The following MANBA variants were observed in gnomAD, a reference collection of about 807,000 sequenced individuals.
MANBA encodes beta-mannosidase.
A neutral mutation model predicts 111.1 loss-of-function variants in MANBA; 83 were observed. That is an observed-to-expected ratio of 0.75 (90% CI 0.63 to 0.90). The LOEUF is 0.90. Among genes scored for constraint, MANBA ranks in the 40% least tolerant of loss-of-function variants. The pLI, the probability that MANBA is intolerant of heterozygous loss-of-function variation, is 0.00. For missense variants in MANBA, 1,036 were observed against 1,069.0 expected, an observed-to-expected ratio of 0.97 and a Z score of 0.43; for synonymous variants, 370 against 378.7, an observed-to-expected ratio of 0.98 and a Z score of 0.27.
At chr4:102,717,652 C>T (rs936653603) in intron 4 of MANBA, among the ~76,000 whole-genome samples, 1 of 152,090 alleles carries the variant, frequency 6.6e-6, no homozygotes, top group Non-Finnish European at 1.5e-5. Context: ...CCTTGGCCTG[C>T]CAAAGTGCTG....
chr4:102,655,713 A>C (rs1347752590), intron 12 of MANBA, among the ~76,000 whole-genome samples: 1 of 152,234 alleles, frequency 6.6e-6, no homozygotes, highest in Non-Finnish European at 1.5e-5. Flanking sequence ...GACAACACAG[A>C]AATAAACCTT....
At position 102,672,854 on chromosome 4, in the gene MANBA, A is replaced by T. The variant is rs551877657; in HGVS notation, c.1112+1065T>A. 5.3e-5 allele frequency among the ~76,000 whole-genome samples: 8 copies of T among 151,682 alleles called. No homozygotes were observed. In the South Asian group the frequency reaches 1.5e-3, roughly 28 times the overall value. On this transcript the variant is annotated intron_variant, in intron 8 of 16. Coordinates refer to ENST00000647097, the MANE Select transcript of MANBA (RefSeq NM_005908.4). Reference sequence around the variant, plus strand: ...TTCCAAAACTATCCCCTCATCCCCCACCCCCAATCTGTAGAAAAACTGTCT... The same window carrying T: ...TTCCAAAACTATCCCCTCATCCCCCTCCCCCAATCTGTAGAAAAACTGTCT...
At chr4:102,744,449 A>G (rs1197171641) in intron 1 of MANBA, among the ~76,000 whole-genome samples, 1 of 152,232 alleles carries the variant, frequency 6.6e-6, no homozygotes, top group African/African-American at 2.4e-5. Flanking sequence ...CAAGATTATG[A>G]CATAAAACCA....
intron 8 of MANBA, among the ~76,000 whole-genome samples, chr4:102,673,352 C>T (rs187283937): frequency 3.3e-5 from 5 of 151,886 alleles, no homozygotes; most frequent in Admixed American, 2.6e-4. Context: ...ACTAAAAATA[C>T]AAAAATTAGC....
intron 1 of MANBA, among the ~76,000 whole-genome samples, chr4:102,731,503 C>T (rs1304514952): frequency 6.6e-6 from 1 of 152,176 alleles, no homozygotes; most frequent in Non-Finnish European, 1.5e-5. Context: ...AACTTATTAA[C>T]ATCAGGTTTC....
At chr4:102,708,344 A>G (rs183891310) in intron 5 of MANBA, among the ~76,000 whole-genome samples, 6 of 152,278 alleles carry the variant, frequency 3.9e-5, no homozygotes, top group African/African-American at 1.4e-4. Context: ...ATCAATAACA[A>G]GAGGAACTTT....
Position 102,674,047 on chromosome 4 carries a change from A to G in MANBA, c.984T>C (p.Leu328=), listed in dbSNP as rs1291418092. 1 of 1,600,864 alleles carries G rather than the reference A, an allele frequency of 6.2e-7. No individual in the cohort carries two copies. The highest frequency in any genetic ancestry group is 8.6e-7 in the Non-Finnish European group (1 of 1,168,100). Residue 328 remains leucine, a synonymous_variant, in exon 8 of 17, where the codon CTT becomes CTC. Coordinates refer to ENST00000647097, the MANE Select transcript of MANBA (RefSeq NM_005908.4). ...SAKVYFRTVE[L]IEEPIKGSPG... Reference sequence around the variant, plus strand: ...GAGACCCTTTTATAGGCTCTTCTATAAGTTCCACTGTCCTAAAATAAACCT... The same window carrying G: ...GAGACCCTTTTATAGGCTCTTCTATGAGTTCCACTGTCCTAAAATAAACCT...
intron 15 of MANBA, 75 bp from the exon 16 acceptor site, chr4:102,635,120 T>C (rs545526409): frequency 2.0e-6 from 3 of 1,531,974 alleles, no homozygotes; most frequent in South Asian, 1.1e-5. Context: ...GTAGTAATAA[T>C]TGCTGAAAGT....
At chr4:102,703,535 A>G (rs1376419222) in intron 5 of MANBA, among the ~76,000 whole-genome samples, 1 of 152,216 alleles carries the variant, frequency 6.6e-6, no homozygotes, top group Admixed American at 6.5e-5. Context: ...CTCTGGCTCC[A>G]AGAGTCTGAA....
chr4:102,745,280 T>C (rs1723546842), intron 1 of MANBA, among the ~76,000 whole-genome samples: 2 of 152,138 alleles, frequency 1.3e-5, no homozygotes, highest in African/African-American at 4.8e-5. Flanking sequence ...ACAGCATAAA[T>C]AGTCACTAGC....
chr4:102,654,410 T>A (rs980619838), intron 12 of MANBA, among the ~76,000 whole-genome samples: 2 of 152,206 alleles, frequency 1.3e-5, no homozygotes, highest in African/African-American at 4.8e-5. Context: ...TTTTTAATTT[T>A]AAAAAACCAA....
chr4:102,752,528 CAA>C (rs1161624227), intron 1 of MANBA: 2 of 710,276 alleles, frequency 2.8e-6, no homozygotes, highest in African/African-American at 1.7e-5. Flanking sequence ...CTCATGAAGA[CAA>C]AGTTCTGAGT....
chr4:102,752,593 A>G (rs1381775459), intron 1 of MANBA: 1 of 630,996 alleles, frequency 1.6e-6, no homozygotes, highest in Admixed American at 1.8e-5. Context: ...CAGACAATAA[A>G]TTGTATTCCT....
At chr4:102,676,805 C>T (rs1435189159) in intron 7 of MANBA, among the ~76,000 whole-genome samples, 10 of 152,140 alleles carry the variant, frequency 6.6e-5, no homozygotes, top group Non-Finnish European at 5.9e-5. Context: ...TTTGCACTGA[C>T]GTTACAAAAG....
intron 11 of MANBA, among the ~76,000 whole-genome samples, chr4:102,664,240 T>C (rs2110216048): frequency 6.6e-6 from 1 of 152,316 alleles, no homozygotes; most frequent in South Asian, 2.1e-4. Flanking sequence ...CATCTGCTGC[T>C]GCACTACAAT....
chr4:102,691,552 TGC>T, intron 5 of MANBA, among the ~76,000 whole-genome samples: 1 of 151,496 alleles, frequency 6.6e-6, no homozygotes, highest in Non-Finnish European at 1.5e-5. Flanking sequence ...CTCACTCTGT[TGC>T]CCCGGGAGTC....
At position 102,715,468 on chromosome 4, in the gene MANBA, A is replaced by G. The variant is rs940097921; in HGVS notation, c.550-907T>C. ...GTTTTGTTTATATTATTTTTTAGAA[A>G]TCAGAAAACCTATAGTCCACATATT... is the stretch of plus-strand genomic sequence containing the variant. On this transcript the variant is annotated intron_variant, in intron 4 of 16. Coordinates refer to ENST00000647097, the MANE Select transcript of MANBA (RefSeq NM_005908.4). 2.6e-5 allele frequency among the ~76,000 whole-genome samples: 4 copies of G among 152,334 alleles called. No individual in the cohort carries two copies. In the East Asian group the frequency reaches 7.7e-4, roughly 29 times the overall value.
At chr4:102,738,843 A>G (rs1723306684) in intron 1 of MANBA, among the ~76,000 whole-genome samples, 1 of 152,226 alleles carries the variant, frequency 6.6e-6, no homozygotes, top group South Asian at 2.1e-4. Flanking sequence ...AACTTAAAGA[A>G]ATTTAAAAAA....
intron 1 of MANBA, chr4:102,728,667 G>A: frequency 1.8e-6 from 1 of 564,150 alleles, no homozygotes; most frequent in Non-Finnish European, 3.2e-6. Context: ...CCTCAGGTGG[G>A]TCTCACGTTC....
Sources: allele counts gnomAD v4.1 joint callset (sites outside exome capture counted in the v4.1 genomes callset), GRCh38; gene constraint gnomAD v4.1.1; transcripts MANE v1.5; gene names NCBI Gene and HGNC (gene_info 2026-07-23, HGNC 2026-07-21).